Variants in ENPP5 observed in about 807,000 individuals in gnomAD.
The protein encoded by ENPP5 is ectonucleotide pyrophosphatase/phosphodiesterase family member 5.
Under a neutral mutation model 33.7 loss-of-function variants are expected in ENPP5, and 27 were observed. That is an observed-to-expected ratio of 0.80 (90% CI 0.59 to 1.11). The LOEUF (loss-of-function observed/expected upper bound fraction) is 1.11. ENPP5 is among the 50% of genes least tolerant of loss of function. The pLI is 0.00. For missense variants in ENPP5, 552 were observed against 579.2 expected (o/e 0.95, Z 0.48); for synonymous variants, 199 against 200.5 (o/e 0.99, Z 0.06).
chr6:46,164,301 C>T (rs979825315), intron 4 of ENPP5, among the ~76,000 whole-genome samples: 4 of 152,206 alleles, frequency 2.6e-5, no homozygotes, highest in African/African-American at 4.8e-5. Flanking sequence ...TGAACAGACA[C>T]TTCTCAAAAG....
intron 4 of ENPP5, among the ~76,000 whole-genome samples, chr6:46,163,280 T>C (rs1764441837): frequency 1.3e-5 from 2 of 151,518 alleles, no homozygotes; most frequent in South Asian, 4.2e-4. Context: ...GTTAGTTACA[T>C]ATATATACAT....
chr6:46,167,769 T>C lies in ENPP5; in HGVS notation c.494A>G (p.Asp165Gly), dbSNP rs1368181671. The stretch of plus-strand genomic sequence containing the variant: ...CCATTCAATAATTTTGGCAACTCTA[T>C]CTTCAAATGAAACTGACTCATTGTA... Reference protein sequence around the residue: ...MPYNESVSFEDRVAKIIEWFT... With the variant: ...MPYNESVSFEGRVAKIIEWFT... Residue 165 changes from aspartate to glycine, a missense_variant, in exon 3 of 5, where the codon GAT becomes GGT. Coordinates refer to ENST00000371383, the MANE Select transcript of ENPP5 (RefSeq NM_001290072.2). The C allele has an allele frequency of 6.2e-6, 10 of 1,614,112 alleles. No individual in the cohort carries two copies. In the East Asian group the frequency reaches 6.7e-5, roughly 11 times the overall value.
At position 46,170,976 on chromosome 6, in the gene ENPP5, G is replaced by T. The variant is rs1370478074; in HGVS notation, c.-266C>A. The T allele has an allele frequency of 6.6e-6, 1 of 152,430 alleles. No homozygotes were observed. The highest frequency in any genetic ancestry group is 6.5e-5 in the Admixed American group (1 of 15,268). The allele number at this position is 152,430 out of a possible 1,614,324, so 9.4% of individuals were successfully genotyped here. Reference sequence around the variant, plus strand: ...CAACTCTGGAGCGGAGCACCTGACCGCGCCGCTTCCCCGCCCCGCCTCCTG... The same window carrying T: ...CAACTCTGGAGCGGAGCACCTGACCTCGCCGCTTCCCCGCCCCGCCTCCTG... On this transcript the variant is annotated 5_prime_UTR_variant, in exon 1 of 5. Transcript: ENST00000371383.
chr6:46,159,346 C>G lies in ENPP5; in HGVS notation c.*1980G>C, dbSNP rs896878413. The stretch of plus-strand genomic sequence containing the variant: ...AGCACCTTCTAAAATGAATTTAATG[C>G]AATTATTAATTTAAATGGACAGATA... On this transcript the variant is annotated 3_prime_UTR_variant, in exon 5 of 5. Coordinates refer to ENST00000371383, the MANE Select transcript of ENPP5 (RefSeq NM_001290072.2). 3.3e-5 allele frequency: 5 copies of G among 151,548 alleles called. No homozygotes were observed. The highest frequency in any genetic ancestry group is 5.9e-5 in the Non-Finnish European group (4 of 67,728). 9.4% of individuals were successfully genotyped at this position (151,548 alleles called of 1,614,324 possible).
Position 46,167,914 on chromosome 6 carries a change from A to AT in ENPP5, c.348_349insA (p.Trp117MetfsTer18), listed in dbSNP as rs1194164496. The AT allele has an allele frequency of 4.3e-6, 7 of 1,614,204 alleles. No homozygotes were observed. Among genetic ancestry groups the AT allele is most frequent in the Non-Finnish European group, 5.9e-6 (7 of 1,180,040 alleles). ...ATCCATATTGGTGTCGCTTCTTCCC[A>AT]AAACTTGGAATCATAAATATTCATG... On this transcript the variant is annotated frameshift_variant, in exon 3 of 5. Coordinates refer to ENST00000371383, the MANE Select transcript of ENPP5 (RefSeq NM_001290072.2). LOFTEE classifies it high-confidence loss of function.
chr6:46,164,006 T>A (rs1242697637), intron 4 of ENPP5, among the ~76,000 whole-genome samples: 1 of 152,158 alleles, frequency 6.6e-6, no homozygotes. Context: ...GAAGAAAACC[T>A]AGGCATTACC....
chr6:46,161,678 T>C lies in ENPP5; in HGVS notation c.1082A>G (p.Lys361Arg). The stretch of plus-strand genomic sequence containing the variant: ...GTTCATGGCTTCTTTTGAGAAATTC[T>C]TTCTGAAGGCAGGACCATGGGCTAA... ...IFLAHGPAFR[K>R]NFSKEAMNST... Residue 361 changes from lysine to arginine, a missense_variant, in exon 5 of 5, where the codon AAG (lysine) becomes AGG (arginine). Transcript: ENST00000371383. The C allele has an allele frequency of 2.5e-6, 4 of 1,613,928 alleles. No homozygotes were observed. The highest frequency in any genetic ancestry group is 3.4e-6 in the Non-Finnish European group (4 of 1,179,894).
chr6:46,169,027 AC>A (rs1562072628), intron 2 of ENPP5, among the ~76,000 whole-genome samples: 1 of 152,194 alleles, frequency 6.6e-6, no homozygotes, highest in Non-Finnish European at 1.5e-5. Context: ...TTTGTTGTTG[AC>A]TTTCCTAATG....
In ENPP5 at chr6:46,168,237, G is replaced by A. The variant is rs1238904894; in HGVS notation, c.26C>T (p.Ser9Phe). 1 of 1,591,798 alleles carries A rather than the reference G, an allele frequency of 6.3e-7. No homozygotes were observed. Among genetic ancestry groups the A allele is most frequent in the Admixed American group, 1.8e-5 (1 of 57,072 alleles). Residue 9 changes from serine (S) to phenylalanine (F), a missense_variant, in exon 3 of 5, where the codon TCC (serine) becomes TTC (phenylalanine). Transcript: ENST00000371383. Reference sequence around the variant, plus strand: ...AAGACTCAGTGCAGCAAGTATGAAGGACACCAAGAGAAATTTCGAAGTCAT... The same window carrying A: ...AAGACTCAGTGCAGCAAGTATGAAGAACACCAAGAGAAATTTCGAAGTCAT... MTSKFLLV[S>F]FILAALSLST...
chr6:46,163,561 G>T (rs937585338), intron 4 of ENPP5, among the ~76,000 whole-genome samples: 1 of 152,080 alleles, frequency 6.6e-6, no homozygotes, highest in Non-Finnish European at 1.5e-5. Flanking sequence ...TAATGGGATG[G>T]CTGAGTCAAA....
In ENPP5 at chr6:46,161,884, C is replaced by T; in HGVS notation, c.1007-131G>A. 4.3e-6 allele frequency: 3 copies of T among 700,190 alleles called. 1 individual carries two copies. The South Asian group carries it at 5.2e-5, about 12-fold the overall frequency. The allele number at this position is 700,190 out of a possible 1,614,324, so 43.4% of individuals were successfully genotyped here. ...ACTGTAAACATAAAACAATCTTTGA[C>T]AAACAATCTCTGCTGTTGTCCACAT... On this transcript the variant is annotated intron_variant, in intron 4 of 4. Coordinates refer to ENST00000371383, the MANE Select transcript of ENPP5 (RefSeq NM_001290072.2).
Position 46,161,586 on chromosome 6 carries a change from A to G in ENPP5, c.1174T>C (p.Phe392Leu). The part of the protein sequence containing the change: ...NITAMPHNGS[F>L]WNVQDLLNSA... ...TTGAGCAGATCCTGGACATTCCAGA[A>G]TGATCCATTGTGTGGCATGGCGGTG... The change falls in exon 5 of 5, where the codon TTC becomes CTC. Residue 392 changes from phenylalanine to leucine, a missense_variant. Physicochemically the swap from Phe to Leu is conservative, Grantham distance 22. Transcript: ENST00000371383. 6.2e-7 allele frequency: 1 copy of G among 1,614,118 alleles called. No homozygotes were observed. Among genetic ancestry groups the G allele is most frequent in the Non-Finnish European group, 8.5e-7 (1 of 1,179,978 alleles).
intron 2 of ENPP5, among the ~76,000 whole-genome samples, chr6:46,168,754 T>C (rs1428657916): frequency 6.6e-6 from 1 of 151,772 alleles, no homozygotes; most frequent in Non-Finnish European, 1.5e-5. Context: ...TAATGGTGCA[T>C]ATACATATAT....
chr6:46,165,801 A>G (rs1436183189), intron 3 of ENPP5, among the ~76,000 whole-genome samples: 1 of 152,216 alleles, frequency 6.6e-6, no homozygotes, highest in South Asian at 2.1e-4. Flanking sequence ...AAAGACTTCA[A>G]TACACACACA....
At position 46,167,865 on chromosome 6, in the gene ENPP5, G is replaced by GT. The variant is rs1764602193; in HGVS notation, c.397dup (p.Thr133AsnfsTer2). 5 of 1,614,030 alleles carry GT rather than the reference G, an allele frequency of 3.1e-6. No individual in the cohort carries two copies. The highest frequency in any genetic ancestry group is 4.2e-6 in the Non-Finnish European group (5 of 1,180,038). ...TCCGGGCCACATGGCTGCACCACTA[G>GT]TATGTCCTGCCCTCTGGTTTGTGAT... On this transcript the variant is annotated frameshift_variant, in exon 3 of 5. Transcript: ENST00000371383. LOFTEE classifies it high-confidence loss of function.
In ENPP5 at chr6:46,160,578, T is replaced by C. The variant is rs1764358800; in HGVS notation, c.*748A>G. On this transcript the variant is annotated 3_prime_UTR_variant, in exon 5 of 5. Transcript: ENST00000371383. ...TTCATTATTATGAAAATCACAGTAA[T>C]ATGACTCATCAGGAAATCACAATAA... The C allele has an allele frequency of 6.6e-6, 1 of 152,120 alleles. No homozygotes were observed. Among genetic ancestry groups the C allele is most frequent in the African/African-American group, 2.4e-5 (1 of 41,426 alleles). The allele number at this position is 152,120 out of a possible 1,614,324, so 9.4% of individuals were successfully genotyped here.
intron 2 of ENPP5, among the ~76,000 whole-genome samples, chr6:46,169,585 G>T (rs1402875767): frequency 6.6e-6 from 1 of 152,102 alleles, no homozygotes; most frequent in Non-Finnish European, 1.5e-5. Context: ...TAGAGACAGG[G>T]TTTCGCCATG....
At position 46,159,545 on chromosome 6, in the gene ENPP5, C is replaced by G. The variant is rs1463520576; in HGVS notation, c.*1781G>C. 2 of 152,110 alleles carry G rather than the reference C, an allele frequency of 1.3e-5. No individual in the cohort carries two copies. Among genetic ancestry groups the G allele is most frequent in the Non-Finnish European group, 2.9e-5 (2 of 67,992 alleles). 9.4% of individuals were successfully genotyped at this position (152,110 alleles called of 1,614,324 possible). On this transcript the variant is annotated 3_prime_UTR_variant, in exon 5 of 5. Transcript: ENST00000371383. ...TGGGGAGTTTGCTACCTACCATATA[C>G]TTTCTCAGCTTTTTAATCTATAGGC... is the stretch of plus-strand genomic sequence containing the variant.
chr6:46,166,438 C>T (rs1370968359), intron 3 of ENPP5, among the ~76,000 whole-genome samples: 2 of 148,372 alleles, frequency 1.3e-5, no homozygotes, highest in Middle Eastern at 3.2e-3. Flanking sequence ...TGTGTCACCA[C>T]ACCAGGCTAT....
Sources: allele counts gnomAD v4.1 joint callset (sites outside exome capture counted in the v4.1 genomes callset), GRCh38; gene constraint gnomAD v4.1.1; transcripts MANE v1.5; gene names NCBI Gene and HGNC (gene_info 2026-07-23, HGNC 2026-07-21).